Variants in LRFN2 observed in about 807,000 individuals in gnomAD.
LRFN2 encodes leucine-rich repeat and fibronectin type-III domain-containing protein 2.
In LRFN2, 18 loss-of-function variants were observed where a neutral mutation model predicts 37.3. That is an observed-to-expected ratio of 0.48 (90% CI 0.33 to 0.72). The LOEUF (loss-of-function observed/expected upper bound fraction) is 0.72. Among genes scored for constraint, LRFN2 ranks in the 30% least tolerant of loss-of-function variants. LRFN2 has a pLI of 0.02. For missense variants in LRFN2, 1,006 were observed against 1,060.7 expected, an observed-to-expected ratio of 0.95 and a Z score of 0.72; for synonymous variants, 556 against 466.6, an observed-to-expected ratio of 1.19 and a Z score of -2.47.
At chr6:40,522,166 C>T (rs1161593932) in intron 1 of LRFN2, among the ~76,000 whole-genome samples, 1 of 152,158 alleles carries the variant, frequency 6.6e-6, no homozygotes, top group East Asian at 1.9e-4. Flanking sequence ...GGCAAGCTTG[C>T]ACCAGTGCAG....
At chr6:40,552,351 C>T (rs956684171) in intron 1 of LRFN2, among the ~76,000 whole-genome samples, 1 of 152,204 alleles carries the variant, frequency 6.6e-6, no homozygotes, top group African/African-American at 2.4e-5. Context: ...AGGTCTAGGG[C>T]AGGGCCCAAG....
At chr6:40,526,290 A>G (rs561900293) in intron 1 of LRFN2, among the ~76,000 whole-genome samples, 1 of 152,346 alleles carries the variant, frequency 6.6e-6, no homozygotes, top group South Asian at 2.1e-4. Context: ...ATTTCAAGCA[A>G]TGGTGTGTGT....
intron 1 of LRFN2, among the ~76,000 whole-genome samples, chr6:40,543,735 T>C (rs963725881): frequency 2.6e-5 from 4 of 152,208 alleles, no homozygotes; most frequent in Admixed American, 6.5e-5. Context: ...TGGGCATCTT[T>C]TGTATCAGCA....
intron 1 of LRFN2, among the ~76,000 whole-genome samples, chr6:40,454,127 AT>A (rs1307905450): frequency 2.4e-4 from 37 of 152,316 alleles, no homozygotes; most frequent in African/African-American, 8.2e-4. Context: ...CTTATGGATA[AT>A]TAAGGAAATG....
At chr6:40,399,244 C>G (rs1762677483) in intron 2 of LRFN2, among the ~76,000 whole-genome samples, 1 of 151,536 alleles carries the variant, frequency 6.6e-6, no homozygotes, top group Non-Finnish European at 1.5e-5. Context: ...GTCCTTCCAG[C>G]CTTGGATGGG....
intron 1 of LRFN2, among the ~76,000 whole-genome samples, chr6:40,565,071 C>G (rs1437801287): frequency 6.6e-6 from 1 of 152,162 alleles, no homozygotes; most frequent in East Asian, 1.9e-4. Flanking sequence ...CTTTCCCAAA[C>G]TCTAAGAAAA....
At chr6:40,542,928 C>A (rs12661593) in intron 1 of LRFN2, among the ~76,000 whole-genome samples, 1 of 152,190 alleles carries the variant, frequency 6.6e-6, no homozygotes, top group Non-Finnish European at 1.5e-5. Flanking sequence ...GCCAAAGCAC[C>A]CTCTAGACAG....
At chr6:40,568,855 G>T (rs1478840144) in intron 1 of LRFN2, among the ~76,000 whole-genome samples, 1 of 152,104 alleles carries the variant, frequency 6.6e-6, no homozygotes, top group Non-Finnish European at 1.5e-5. Context: ...CCGAGTAGCT[G>T]GGATTACAGG....
chr6:40,479,352 A>C (rs1048101313), intron 1 of LRFN2, among the ~76,000 whole-genome samples: 2 of 152,232 alleles, frequency 1.3e-5, no homozygotes, highest in Non-Finnish European at 2.9e-5. Flanking sequence ...CTGAGCTGAC[A>C]GTGGCTGCAG....
intron 1 of LRFN2, among the ~76,000 whole-genome samples, chr6:40,444,837 G>A (rs1185126455): frequency 6.6e-6 from 1 of 151,950 alleles, no homozygotes; most frequent in Non-Finnish European, 1.5e-5. Context: ...TCCAAATAGG[G>A]CTTCTTTTTT....
At chr6:40,570,186 C>T (rs1189753707) in intron 1 of LRFN2, among the ~76,000 whole-genome samples, 3 of 152,186 alleles carry the variant, frequency 2.0e-5, no homozygotes, top group African/African-American at 4.8e-5. Context: ...CCCTCAACTA[C>T]TTCCTTGAAG....
At chr6:40,556,572 G>A (rs1766884349) in intron 1 of LRFN2, among the ~76,000 whole-genome samples, 1 of 152,134 alleles carries the variant, frequency 6.6e-6, no homozygotes. Context: ...TGCTTGTCCT[G>A]AGGATGGAAA....
At chr6:40,430,029 T>C (rs1307124849) in intron 2 of LRFN2, among the ~76,000 whole-genome samples, 1 of 152,212 alleles carries the variant, frequency 6.6e-6, no homozygotes, top group Non-Finnish European at 1.5e-5. Flanking sequence ...TTTTCTCTAC[T>C]TTCCAAATTT....
intron 2 of LRFN2, among the ~76,000 whole-genome samples, chr6:40,423,631 C>T (rs1763280084): frequency 1.3e-5 from 2 of 152,190 alleles, no homozygotes; most frequent in African/African-American, 4.8e-5. Flanking sequence ...CTCTGCATCA[C>T]TGAGGGTGCA....
intron 2 of LRFN2, among the ~76,000 whole-genome samples, chr6:40,429,156 T>C (rs935355077): frequency 6.6e-6 from 1 of 152,224 alleles, no homozygotes; most frequent in Non-Finnish European, 1.5e-5. Flanking sequence ...TGTTTCCATT[T>C]AATTTACATT....
chr6:40,556,877 T>C (rs1256744546), intron 1 of LRFN2, among the ~76,000 whole-genome samples: 1 of 152,116 alleles, frequency 6.6e-6, no homozygotes, highest in African/African-American at 2.4e-5. Context: ...TGGCCACCAA[T>C]GCTTTCATCT....
chr6:40,402,415 A>G (rs1474485205), intron 2 of LRFN2, among the ~76,000 whole-genome samples: 6 of 152,240 alleles, frequency 3.9e-5, no homozygotes, highest in African/African-American at 1.4e-4. Context: ...AGCAGGAGGC[A>G]AGTCTTGGAG....
At chr6:40,516,821 T>A (rs169532) in intron 1 of LRFN2, among the ~76,000 whole-genome samples, 92,368 of 151,896 alleles carry the variant, frequency 0.61, 28,856 homozygotes, top group African/African-American at 0.74. Context: ...ACCTTAGAAA[T>A]ACACCTCCCC....
chr6:40,432,921 T>C lies in LRFN2; in HGVS notation c.193A>G (p.Ile65Val). ...VELRLGGNFI[I>V]HISRQDFANM... ...GCAAAGTCCTGGCGGCTGATGTGGA[T>C]GATGAAGTTGCCGCCCAGGCGCAGC... The change falls in exon 2 of 3, where the codon ATC (isoleucine) becomes GTC (valine). Residue 65 changes from isoleucine (I) to valine (V), a missense_variant. Ile to Val is a conservative substitution (Grantham distance 29). Transcript: ENST00000338305. 1 of 1,614,092 alleles carries C rather than the reference T, an allele frequency of 6.2e-7. No individual in the cohort carries two copies. Among genetic ancestry groups the C allele is most frequent in the Non-Finnish European group, 8.5e-7 (1 of 1,179,924 alleles).
Sources: gnomAD v4.1 joint callset for allele counts (sites outside exome capture counted in the v4.1 genomes callset) on GRCh38, gnomAD v4.1.1 for gene constraint, MANE v1.5 for transcripts, NCBI Gene and HGNC (gene_info 2026-07-23, HGNC 2026-07-21) for gene names.